TRMT9B: variants seen among roughly 807,000 people sequenced by gnomAD.
The protein encoded by TRMT9B is tRNA methyltransferase 9B (putative).
A neutral mutation model predicts 11.5 loss-of-function variants in TRMT9B; 16 were observed. The observed-to-expected ratio is 1.39, with a 90% CI of 0.94 to 2.11. TRMT9B has a LOEUF of 2.11. TRMT9B is among the 30% of genes most tolerant of loss of function. The probability of loss-of-function intolerance (pLI) is 0.00; values close to 1 mark genes in which losing one functional copy is unlikely to be tolerated. For synonymous variants in TRMT9B, 274 were observed against 192.4 expected, an observed-to-expected ratio of 1.42 and a Z score of -3.51; for missense variants, 941 against 553.8, an observed-to-expected ratio of 1.70 and a Z score of -7.02.
chr8:12,956,978 A>G (rs940582077), intron 1 of TRMT9B, among the ~76,000 whole-genome samples: 4 of 152,212 alleles, frequency 2.6e-5, no homozygotes, highest in Admixed American at 6.5e-5. Flanking sequence ...AAATTTTGTT[A>G]TATTTACCTC....
intron 1 of TRMT9B, among the ~76,000 whole-genome samples, chr8:12,979,752 C>T (rs1053711353): frequency 3.3e-5 from 5 of 152,056 alleles, no homozygotes; most frequent in African/African-American, 1.2e-4. Context: ...TTGGAATGGC[C>T]GGAACAATGA....
intron 2 of TRMT9B, among the ~76,000 whole-genome samples, chr8:13,002,283 A>C (rs1391258889): frequency 6.6e-6 from 1 of 152,174 alleles, no homozygotes; most frequent in Admixed American, 6.5e-5. Context: ...TTCCAAGTGC[A>C]ACAAAGAAAA....
intron 1 of TRMT9B, among the ~76,000 whole-genome samples, chr8:12,950,938 G>A (rs1261684942): frequency 2.0e-5 from 3 of 152,256 alleles, no homozygotes; most frequent in African/African-American, 4.8e-5. Context: ...GCGGCAGAGC[G>A]GTTACTAAAT....
At chr8:12,953,795 G>T (rs1419588802) in intron 1 of TRMT9B, among the ~76,000 whole-genome samples, 1 of 152,090 alleles carries the variant, frequency 6.6e-6, no homozygotes, top group Non-Finnish European at 1.5e-5. Context: ...GCTCTCAGAT[G>T]GTCATTGGTT....
In TRMT9B at chr8:13,021,647, G is replaced by C; in HGVS notation, c.968G>C (p.Trp323Ser). Residue 323 changes from tryptophan to serine, a missense_variant, in exon 5 of 5, where the codon TGG (tryptophan) becomes TCG (serine). Coordinates refer to ENST00000524591, the MANE Select transcript of TRMT9B (RefSeq NM_020844.3). Reference protein sequence around the residue: ...VESSSGKHLEWLRAPGTLKHL... With the variant: ...VESSSGKHLESLRAPGTLKHL... ...TCTTCTTCTGGAAAACACTTGGAGTGGCTGAGAGCACCAGGCACTCTGAAA... is the reference window on the plus strand; with the variant it reads ...TCTTCTTCTGGAAAACACTTGGAGTCGCTGAGAGCACCAGGCACTCTGAAA... 1 of 1,613,768 alleles carries C rather than the reference G, an allele frequency of 6.2e-7. No homozygotes were observed.
At chr8:13,015,001 G>A (rs2460920) in intron 4 of TRMT9B, among the ~76,000 whole-genome samples, 1 of 151,724 alleles carries the variant, frequency 6.6e-6, no homozygotes, top group Admixed American at 6.6e-5. Context: ...AGAGGTTGCA[G>A]TGAGCCAAGA....
intron 3 of TRMT9B, chr8:13,011,743 T>C: frequency 6.2e-6 from 6 of 969,944 alleles, no homozygotes; most frequent in Non-Finnish European, 7.4e-6. Flanking sequence ...AAAAATTGTC[T>C]ATTTAAGAAA....
rs983036495 is a variant in TRMT9B, at chr8:13,024,217, G to A, written c.*2173G>A. The A allele has an allele frequency of 6.5e-6, 1 of 153,424 alleles. No homozygotes were observed. The highest frequency in any genetic ancestry group is 2.4e-5 in the African/African-American group (1 of 41,412). The allele number at this position is 153,424 out of a possible 1,614,324, so 9.5% of individuals were successfully genotyped here. On this transcript the variant is annotated 3_prime_UTR_variant, in exon 5 of 5. Transcript: ENST00000524591. ...CACCACGACGCCCGGCTGTTTTTTT[G>A]TATTTTTAGGAGAGACGGGGTTTCA...
chr8:13,021,659 C>T lies in TRMT9B; in HGVS notation c.980C>T (p.Pro327Leu), dbSNP rs764359129. ...SGKHLEWLRA[P>L]GTLKHLNGDH... ...AAACACTTGGAGTGGCTGAGAGCAC[C>T]AGGCACTCTGAAACATTTAAATGGA... Residue 327 changes from proline to leucine, a missense_variant, in exon 5 of 5, where the codon CCA becomes CTA. Physicochemically the swap from Pro to Leu is moderately conservative, Grantham distance 98. Coordinates refer to ENST00000524591, the MANE Select transcript of TRMT9B (RefSeq NM_020844.3). 5.6e-6 allele frequency: 9 copies of T among 1,613,640 alleles called. No individual in the cohort carries two copies. The African/African-American group carries it at 1.1e-4, about 19-fold the overall frequency.
intron 2 of TRMT9B, among the ~76,000 whole-genome samples, chr8:12,998,338 A>G (rs147706994): frequency 6.6e-6 from 1 of 152,274 alleles, no homozygotes; most frequent in African/African-American, 2.4e-5. Flanking sequence ...TAAAAGCTTT[A>G]TTGTTCTGTA....
intron 1 of TRMT9B, among the ~76,000 whole-genome samples, chr8:12,963,633 A>G (rs952155686): frequency 6.6e-6 from 1 of 151,822 alleles, no homozygotes; most frequent in Non-Finnish European, 1.5e-5. Flanking sequence ...CTGTAGTTCT[A>G]GCTACTCGGG....
rs1228776999 is a variant in TRMT9B at position 13,028,994 on chromosome 8, G to A, written c.*6950G>A. The A allele has an allele frequency of 6.0e-6, 1 of 166,870 alleles. No homozygotes were observed. Among genetic ancestry groups the A allele is most frequent in the Admixed American group, 6.6e-5 (1 of 15,256 alleles). The allele number at this position is 166,870 out of a possible 1,614,324, so 10.3% of individuals were successfully genotyped here. A position where few individuals can be genotyped will look rare whatever the true frequency, so the allele number is the denominator to read the frequency against. On this transcript the variant is annotated 3_prime_UTR_variant, in exon 5 of 5. Transcript: ENST00000524591. ...GGCTTTGAATATGTATGTGCAAACT[G>A]TCCTATTTTCTTTATATGCTCTCTT...
chr8:12,969,171 C>T (rs1375275733), intron 1 of TRMT9B, among the ~76,000 whole-genome samples: 1 of 152,154 alleles, frequency 6.6e-6, no homozygotes, highest in African/African-American at 2.4e-5. Flanking sequence ...TGCGCCACTG[C>T]ACTCCAGCCT....
chr8:12,974,449 T>G (rs559087314), intron 1 of TRMT9B, among the ~76,000 whole-genome samples: 22 of 152,156 alleles, frequency 1.4e-4, no homozygotes, highest in Non-Finnish European at 3.1e-4. Context: ...AGCATTTACT[T>G]ACTATTGAAA....
In TRMT9B at chr8:13,022,080, C is replaced by A. The variant is rs770298990; in HGVS notation, c.*36C>A. 17 of 1,432,078 alleles carry A rather than the reference C, an allele frequency of 1.2e-5. No homozygotes were observed. The highest frequency in any genetic ancestry group is 1.3e-5 in the Non-Finnish European group (14 of 1,060,312). The allele number at this position is 1,432,078 out of a possible 1,614,324, so 88.7% of individuals were successfully genotyped here. A position where few individuals can be genotyped will look rare whatever the true frequency, so the allele number is the denominator to read the frequency against. Reference sequence around the variant, plus strand: ...TTAGACAACTCCTCCAAAAGATGAACCACATTCTTTCCTCTTGGTTTGATA... The same window carrying A: ...TTAGACAACTCCTCCAAAAGATGAAACACATTCTTTCCTCTTGGTTTGATA... On this transcript the variant is annotated 3_prime_UTR_variant, in exon 5 of 5. Coordinates refer to ENST00000524591, the MANE Select transcript of TRMT9B (RefSeq NM_020844.3).
In TRMT9B at chr8:12,990,903, T is replaced by G; in HGVS notation, c.-130T>G. On this transcript the variant is annotated 5_prime_UTR_variant, in exon 2 of 5. Transcript: ENST00000524591. ...GAAGGACCGCACTATTTCATTTCAC[T>G]CCTACAAGTTTTCATTTACGTTACA... is the stretch of plus-strand genomic sequence containing the variant. 1 of 1,289,546 alleles carries G rather than the reference T, an allele frequency of 7.8e-7. No individual in the cohort carries two copies. The highest frequency in any genetic ancestry group is 1.0e-6 in the Non-Finnish European group (1 of 988,616). The allele number at this position is 1,289,546 out of a possible 1,614,324, so 79.9% of individuals were successfully genotyped here. A position where few individuals can be genotyped will look rare whatever the true frequency, so the allele number is the denominator to read the frequency against.
intron 1 of TRMT9B, among the ~76,000 whole-genome samples, chr8:12,956,703 C>G (rs1243770617): frequency 2.0e-5 from 3 of 152,194 alleles, no homozygotes; most frequent in Non-Finnish European, 2.9e-5. Context: ...TTTCCCGAAT[C>G]TTTCTCTCCC....
At chr8:12,990,041 C>T (rs1474137) in intron 1 of TRMT9B, among the ~76,000 whole-genome samples, 17,479 of 152,102 alleles carry the variant, frequency 0.11, 1,036 homozygotes, top group African/African-American at 0.14. Context: ...GGAAGGCACA[C>T]GCATCTCTGA....
At chr8:13,010,515 T>G in intron 3 of TRMT9B, 1 of 983,898 alleles carries the variant, frequency 1.0e-6, no homozygotes, top group Non-Finnish European at 1.2e-6. Context: ...AAAATTCTTT[T>G]ATTGTTCACA....
Sources: allele counts gnomAD v4.1 joint callset (sites outside exome capture counted in the v4.1 genomes callset), GRCh38; gene constraint gnomAD v4.1.1; transcripts MANE v1.5; gene names NCBI Gene and HGNC (gene_info 2026-07-23, HGNC 2026-07-21).